Variants in SLC9A9 observed in about 807,000 individuals in gnomAD.
SLC9A9 encodes sodium/hydrogen exchanger 9.
A neutral mutation model predicts 77.8 loss-of-function variants in SLC9A9; 62 were observed. The observed-to-expected ratio is 0.80, with a 90% CI of 0.65 to 0.98. The LOEUF is 0.98. SLC9A9 is among the 50% of genes least tolerant of loss of function. SLC9A9 has a pLI of 0.00. For missense variants in SLC9A9, 775 were observed against 774.9 expected, an observed-to-expected ratio of 1.00 and a Z score of 0.00; for synonymous variants, 320 against 283.5, an observed-to-expected ratio of 1.13 and a Z score of -1.29.
At chr3:143,543,955 T>G (rs546800594) in intron 9 of SLC9A9, among the ~76,000 whole-genome samples, 2 of 152,368 alleles carry the variant, frequency 1.3e-5, no homozygotes, top group Non-Finnish European at 2.9e-5. Context: ...GAAAAATCTC[T>G]AAACTGCTTT....
intron 6 of SLC9A9, among the ~76,000 whole-genome samples, chr3:143,608,887 T>A (rs541491300): frequency 1.8e-4 from 28 of 152,298 alleles, no homozygotes; most frequent in African/African-American, 6.0e-4. Context: ...TAAAGTAATA[T>A]CAATGCTGAA....
intron 14 of SLC9A9, among the ~76,000 whole-genome samples, chr3:143,323,194 A>G (rs965371948): frequency 7.2e-5 from 11 of 152,230 alleles, no homozygotes; most frequent in African/African-American, 2.7e-4. Context: ...TGAAAATAGA[A>G]TTACCATTGG....
chr3:143,685,607 G>C (rs900235374), intron 5 of SLC9A9, among the ~76,000 whole-genome samples: 6 of 152,134 alleles, frequency 3.9e-5, no homozygotes, highest in African/African-American at 9.7e-5. Context: ...TTGATGAAGT[G>C]AGAAAATGCA....
intron 12 of SLC9A9, among the ~76,000 whole-genome samples, chr3:143,418,462 T>G (rs1181341920): frequency 3.9e-5 from 6 of 152,040 alleles, no homozygotes; most frequent in African/African-American, 1.4e-4. Context: ...AACATGAGCC[T>G]TTAAAAGAAA....
In SLC9A9 at chr3:143,272,500, C is replaced by T. The variant is rs572405829; in HGVS notation, c.1605-3520G>A. ...AGGCCTGAATTCAGGGGCTCTTCTA[C>T]CACACTGAGCTATCCTTCTTCTGTT... On this transcript the variant is annotated intron_variant, in intron 14 of 15. Coordinates refer to ENST00000316549, the MANE Select transcript of SLC9A9 (RefSeq NM_173653.4). 2.6e-5 allele frequency among the ~76,000 whole-genome samples: 4 copies of T among 152,280 alleles called. No homozygotes were observed. The East Asian group carries it at 5.8e-4, about 22-fold the overall frequency.
At chr3:143,672,380 C>A (rs2039171022) in intron 5 of SLC9A9, among the ~76,000 whole-genome samples, 1 of 151,920 alleles carries the variant, frequency 6.6e-6, no homozygotes, top group Admixed American at 6.6e-5. Context: ...CAAAAGAAAT[C>A]AATGAAGAAC....
chr3:143,536,239 T>C (rs2036587008), intron 9 of SLC9A9, among the ~76,000 whole-genome samples: 1 of 152,060 alleles, frequency 6.6e-6, no homozygotes, highest in African/African-American at 2.4e-5. Context: ...CTGGGTGAGG[T>C]GGGTAAAGAA....
chr3:143,699,454 ACTC>A lies in SLC9A9; in HGVS notation c.534-6150_534-6148del, dbSNP rs1368811357. Among the ~76,000 whole-genome samples the A allele has an allele frequency of 2.0e-5, 3 of 152,148 alleles. No homozygotes were observed. The East Asian group carries it at 5.8e-4, about 29-fold the overall frequency. On this transcript the variant is annotated intron_variant, in intron 4 of 15. Coordinates refer to ENST00000316549, the MANE Select transcript of SLC9A9 (RefSeq NM_173653.4). ...GAGACAGTTCTGAAATGCCAATGCC[ACTC>A]CTCCTCCATCTCCTGGCAGCAGCAG...
intron 4 of SLC9A9, among the ~76,000 whole-genome samples, chr3:143,708,472 C>G (rs981973954): frequency 1.3e-5 from 2 of 152,278 alleles, no homozygotes; most frequent in South Asian, 2.1e-4. Context: ...AGCTCCTCAC[C>G]TTTCTTTCCT....
At chr3:143,650,049 A>G (rs1198799181) in intron 6 of SLC9A9, among the ~76,000 whole-genome samples, 1 of 152,212 alleles carries the variant, frequency 6.6e-6, no homozygotes, top group Non-Finnish European at 1.5e-5. Flanking sequence ...TGGTTCCCAA[A>G]GAAGGAGACT....
intron 14 of SLC9A9, among the ~76,000 whole-genome samples, chr3:143,360,925 G>T (rs1197735969): frequency 1.3e-5 from 2 of 152,144 alleles, no homozygotes; most frequent in Non-Finnish European, 2.9e-5. Flanking sequence ...CTAAGCAAAG[G>T]AGTTTATCCT....
chr3:143,841,466 A>G (rs1367818558), intron 1 of SLC9A9, among the ~76,000 whole-genome samples: 2 of 152,214 alleles, frequency 1.3e-5, no homozygotes, highest in African/African-American at 4.8e-5. Flanking sequence ...ATTTTTGTAT[A>G]TCAACTTTTT....
intron 4 of SLC9A9, among the ~76,000 whole-genome samples, chr3:143,773,963 T>C (rs2007612173): frequency 6.6e-6 from 1 of 152,214 alleles, no homozygotes; most frequent in African/African-American, 2.4e-5. Context: ...AATTAGTTCA[T>C]TAGTTAATGA....
intron 5 of SLC9A9, among the ~76,000 whole-genome samples, chr3:143,659,207 A>T (rs555285095): frequency 3.0e-4 from 45 of 152,258 alleles, no homozygotes; most frequent in African/African-American, 1.1e-3. Context: ...AAAAAACATT[A>T]AAAAAGGCCT....
In SLC9A9 at chr3:143,757,828, A is replaced by C. The variant is rs141999196; in HGVS notation, c.533+37173T>G. Among the ~76,000 whole-genome samples, 253 of 152,244 alleles carry C rather than the reference A, an allele frequency of 1.7e-3. 1 individual carries two copies. The highest frequency in any genetic ancestry group is 5.9e-3 in the African/African-American group (245 of 41,552). On this transcript the variant is annotated intron_variant, in intron 4 of 15. Coordinates refer to ENST00000316549, the MANE Select transcript of SLC9A9 (RefSeq NM_173653.4). ...TTCCTTTGTCTTACACTGGATTAGAAAGGGGGGTAGTATGAAGAGGTTGGC... is the reference window on the plus strand; with the variant it reads ...TTCCTTTGTCTTACACTGGATTAGACAGGGGGGTAGTATGAAGAGGTTGGC...
At chr3:143,602,189 C>T (rs947054129) in intron 6 of SLC9A9, among the ~76,000 whole-genome samples, 4 of 152,158 alleles carry the variant, frequency 2.6e-5, no homozygotes, top group African/African-American at 7.2e-5. Context: ...GAGTTAGAGG[C>T]GAGCAGGGCT....
chr3:143,668,746 C>T (rs568820339), intron 5 of SLC9A9, among the ~76,000 whole-genome samples: 37 of 152,310 alleles, frequency 2.4e-4, no homozygotes, highest in African/African-American at 8.2e-4. Flanking sequence ...GTTAGCTCCT[C>T]GAGGATCAGA....
At chr3:143,451,659 C>T (rs1170315494) in intron 12 of SLC9A9, among the ~76,000 whole-genome samples, 3 of 152,098 alleles carry the variant, frequency 2.0e-5, no homozygotes, top group Admixed American at 2.0e-4. Context: ...GAAGTTCCCC[C>T]TGCTTAATGC....
rs186125507 is a variant in SLC9A9, at chr3:143,390,527, C to T, written c.1470-8413G>A. 5.6e-4 allele frequency among the ~76,000 whole-genome samples: 85 copies of T among 152,290 alleles called. No individual in the cohort carries two copies. The East Asian group carries it at 8.1e-3, about 15-fold the overall frequency. ...AGTCTACAGCTCCCAGCATGAGCAA[C>T]GCAGAAGACAAGTGATTTCTGCGTT... On this transcript the variant is annotated intron_variant, in intron 12 of 15. Transcript: ENST00000316549.
Sources: gnomAD v4.1 joint callset for allele counts (sites outside exome capture counted in the v4.1 genomes callset) on GRCh38, gnomAD v4.1.1 for gene constraint, MANE v1.5 for transcripts, NCBI Gene and HGNC (gene_info 2026-07-23, HGNC 2026-07-21) for gene names.